Variants in XRN2 observed in about 807,000 individuals in gnomAD.
XRN2 encodes the protein DHM1-like protein.
XRN2 carries 44 observed loss-of-function variants against 138.5 expected under a neutral mutation model. The observed-to-expected ratio is 0.32, with a 90% CI of 0.25 to 0.41. The LOEUF is 0.41. Among genes scored for constraint, XRN2 ranks in the 10% least tolerant of loss-of-function variants. The pLI, the probability that XRN2 is intolerant of heterozygous loss-of-function variation, is 1.00. For missense variants in XRN2, 937 were observed against 1,169.3 expected, an observed-to-expected ratio of 0.80 and a Z score of 2.90; for synonymous variants, 354 against 369.4, an observed-to-expected ratio of 0.96 and a Z score of 0.48.
intron 27 of XRN2, among the ~76,000 whole-genome samples, chr20:21,369,588 T>C (rs1269686308): frequency 2.0e-5 from 3 of 152,222 alleles, no homozygotes. Flanking sequence ...TGATACCTCA[T>C]TGTAGTTCTG....
chr20:21,337,449 G>A (rs530270222), intron 13 of XRN2, among the ~76,000 whole-genome samples: 1 of 152,304 alleles, frequency 6.6e-6, no homozygotes, highest in South Asian at 2.1e-4. Flanking sequence ...AAGGTGGGTT[G>A]GGGATTCTAT....
At position 21,330,752 on chromosome 20, in the gene XRN2, G is replaced by A. The variant is rs771259074; in HGVS notation, c.576+47G>A. Reference sequence around the variant, plus strand: ...TTCAGAAAGATTAGGGTGATCATTCGAGGCTGTACTTTGATATGACTGACA... The same window carrying A: ...TTCAGAAAGATTAGGGTGATCATTCAAGGCTGTACTTTGATATGACTGACA... On this transcript the variant is annotated intron_variant, in intron 6 of 29. Transcript: ENST00000377191. 18 of 1,526,184 alleles carry A rather than the reference G, an allele frequency of 1.2e-5. No individual in the cohort carries two copies. In the African/African-American group the frequency reaches 1.6e-4, roughly 14 times the overall value. The allele number at this position is 1,526,184 out of a possible 1,614,324, so 94.5% of individuals were successfully genotyped here.
intron 27 of XRN2, among the ~76,000 whole-genome samples, chr20:21,380,312 G>A: frequency 6.6e-6 from 1 of 152,192 alleles, no homozygotes; most frequent in East Asian, 1.9e-4. Flanking sequence ...AGCTGAAAAA[G>A]TGGCTCAAAC....
intron 28 of XRN2, among the ~76,000 whole-genome samples, chr20:21,386,068 G>A (rs960892510): frequency 1.3e-5 from 2 of 152,212 alleles, no homozygotes; most frequent in Non-Finnish European, 2.9e-5. Context: ...TTATGTGACA[G>A]TTTTTAATTA....
intron 20 of XRN2, among the ~76,000 whole-genome samples, chr20:21,352,471 G>A (rs914445221): frequency 5.3e-5 from 8 of 151,852 alleles, no homozygotes; most frequent in East Asian, 1.9e-4. Flanking sequence ...TGGGATTACC[G>A]CCGTGTGCCA....
intron 13 of XRN2, 48 bp downstream of exon 13, chr20:21,334,233 G>GT (rs1357005781): frequency 6.9e-7 from 1 of 1,448,916 alleles, no homozygotes; most frequent in South Asian, 1.2e-5. Flanking sequence ...GTCTCTAATA[G>GT]GCTATGATGA....
chr20:21,365,492 A>G lies in XRN2; in HGVS notation c.2324+3A>G. ...GCTGTAATGCTTCCAGGAGCAAGGT[A>G]ACAACAGTAAATTACCTAGATTTAT... On this transcript the variant is annotated splice_donor_region_variant and intron_variant, in intron 25 of 29. Coordinates refer to ENST00000377191, the MANE Select transcript of XRN2 (RefSeq NM_012255.5). 6.2e-7 allele frequency: 1 copy of G among 1,613,862 alleles called. No individual in the cohort carries two copies. The highest frequency in any genetic ancestry group is 8.5e-7 in the Non-Finnish European group (1 of 1,179,938).
chr20:21,365,895 A>G (rs1251146407), intron 26 of XRN2, among the ~76,000 whole-genome samples, 191 bp downstream of exon 26: 3 of 123,430 alleles, frequency 2.4e-5, no homozygotes, highest in Non-Finnish European at 4.9e-5. Flanking sequence ...ATAATATATA[A>G]TTATATATAT....
At chr20:21,369,230 A>C (rs2122321098) in intron 27 of XRN2, among the ~76,000 whole-genome samples, 1 of 152,320 alleles carries the variant, frequency 6.6e-6, no homozygotes, top group Admixed American at 6.5e-5. Flanking sequence ...CCACATTGTT[A>C]CAGGTGACAA....
chr20:21,326,176 T>C, intron 1 of XRN2, 103 bp from the exon 2 acceptor site: 3 of 1,206,954 alleles, frequency 2.5e-6, no homozygotes, highest in Non-Finnish European at 3.4e-6. Flanking sequence ...TTGAAGTGTT[T>C]TATTTCCAGT....
chr20:21,374,942 T>C (rs1269215794), intron 27 of XRN2, among the ~76,000 whole-genome samples: 3 of 151,270 alleles, frequency 2.0e-5, no homozygotes, highest in South Asian at 4.1e-4. Flanking sequence ...TTTTCAATTA[T>C]AGATTCAAAT....
chr20:21,335,576 T>C (rs1219660876), intron 13 of XRN2, among the ~76,000 whole-genome samples: 1 of 152,234 alleles, frequency 6.6e-6, no homozygotes, highest in Non-Finnish European at 1.5e-5. Flanking sequence ...TTATGTGATG[T>C]CAAGAGTTTT....
chr20:21,334,051 A>G (rs1411951142), intron 12 of XRN2, 27 bp from the exon 13 acceptor site: 1 of 1,613,906 alleles, frequency 6.2e-7, no homozygotes, highest in South Asian at 1.1e-5. Flanking sequence ...TAAGAAGATC[A>G]TTTTACATAT....
chr20:21,362,250 G>A (rs1332530775), intron 24 of XRN2, among the ~76,000 whole-genome samples: 1 of 152,104 alleles, frequency 6.6e-6, no homozygotes, highest in Non-Finnish European at 1.5e-5. Context: ...AAATGGATTT[G>A]TTTTCTCAAA....
chr20:21,325,016 C>G (rs968463298), intron 1 of XRN2, among the ~76,000 whole-genome samples: 2 of 152,184 alleles, frequency 1.3e-5, no homozygotes, highest in African/African-American at 2.4e-5. Flanking sequence ...AACCATTAAT[C>G]TACTTTTTAT....
chr20:21,371,718 A>T (rs1170161094), intron 27 of XRN2, among the ~76,000 whole-genome samples: 1 of 152,244 alleles, frequency 6.6e-6, no homozygotes, highest in Non-Finnish European at 1.5e-5. Context: ...TACCATTTAC[A>T]TGGATACCAT....
chr20:21,331,490 T>G, intron 6 of XRN2, 71 bp from the exon 7 acceptor site: 1 of 1,311,626 alleles, frequency 7.6e-7, no homozygotes, highest in Non-Finnish European at 1.1e-6. Context: ...TCTTGAGACA[T>G]ATAATTCTTT....
rs1299146044 is a variant in XRN2, at chr20:21,307,909, TTGTA to T, written c.75+4440_75+4443del. Reference sequence around the variant, plus strand: ...TACTTATTTTGAAATTCTTCCGTTGTTGTATGTGTCAGTAGTTTATTTCTTTTTT... The same window carrying T: ...TACTTATTTTGAAATTCTTCCGTTGTTGTGTCAGTAGTTTATTTCTTTTTT... On this transcript the variant is annotated intron_variant, in intron 1 of 29. Coordinates refer to ENST00000377191, the MANE Select transcript of XRN2 (RefSeq NM_012255.5). Among the ~76,000 whole-genome samples the T allele has an allele frequency of 1.6e-3, 123 of 77,802 alleles. 46 individuals carry two copies. The highest frequency in any genetic ancestry group is 4.0e-3 in the African/African-American group (114 of 28,644). 51.0% of individuals were successfully genotyped at this position (77,802 alleles called of 152,430 possible).
At chr20:21,385,339 C>T (rs2038926632) in intron 28 of XRN2, among the ~76,000 whole-genome samples, 1 of 152,126 alleles carries the variant, frequency 6.6e-6, no homozygotes, top group Non-Finnish European at 1.5e-5. Flanking sequence ...TAGTTTAGCC[C>T]TTCACTCCTG....
Sources: allele counts gnomAD v4.1 joint callset (sites outside exome capture counted in the v4.1 genomes callset), GRCh38; gene constraint gnomAD v4.1.1; transcripts MANE v1.5; gene names NCBI Gene and HGNC (gene_info 2026-07-23, HGNC 2026-07-21).